DRAXIN: variants seen among roughly 807,000 people sequenced by gnomAD.
DRAXIN encodes the protein dorsal inhibitory axon guidance protein.
In DRAXIN, 27 loss-of-function variants were observed where a neutral mutation model predicts 33.9. That is an observed-to-expected ratio of 0.80 (90% CI 0.59 to 1.10). DRAXIN has a LOEUF of 1.10. Ranked by LOEUF, DRAXIN falls within the 50% of genes least tolerant of loss-of-function variation. The pLI is 0.00. For synonymous variants in DRAXIN, 178 were observed against 194.0 expected, an observed-to-expected ratio of 0.92 and a Z score of 0.69; for missense variants, 371 against 460.8, an observed-to-expected ratio of 0.81 and a Z score of 1.78.
chr1:11,707,074 G>T (rs138194389), intron 2 of DRAXIN, among the ~76,000 whole-genome samples: 3 of 152,140 alleles, frequency 2.0e-5, no homozygotes, highest in Admixed American at 2.0e-4. Context: ...GATGGTGGGC[G>T]CCTGTAGTCC....
At chr1:11,691,694 A>C (rs1424182378), upstream of DRAXIN, 33 of 31,468 alleles carry the variant, frequency 1.0e-3, no homozygotes, top group Admixed American at 1.3e-3. Flanking sequence ...CTGCCCGCCC[A>C]CTCCCCCTTC....
intron 6 of DRAXIN, among the ~76,000 whole-genome samples, chr1:11,719,230 A>C (rs959280409): frequency 6.6e-6 from 1 of 152,158 alleles, no homozygotes; most frequent in Non-Finnish European, 1.5e-5. Flanking sequence ...TTGCTTGACA[A>C]ACCAATAGTG....
chr1:11,711,072 A>G (rs1641488415), intron 3 of DRAXIN, among the ~76,000 whole-genome samples: 1 of 151,998 alleles, frequency 6.6e-6, no homozygotes, highest in Admixed American at 6.6e-5. Flanking sequence ...CGAATAGATC[A>G]CCTGAGGTCA....
chr1:11,711,637 G>T (rs1428424561), intron 3 of DRAXIN, among the ~76,000 whole-genome samples: 2 of 152,196 alleles, frequency 1.3e-5, no homozygotes, highest in Non-Finnish European at 2.9e-5. Context: ...TCCTTCTTGA[G>T]TAATGGCTGC....
At position 11,712,498 on chromosome 1, in the gene DRAXIN, G is replaced by A. The variant is rs574281681; in HGVS notation, c.847+69G>A. 42 of 1,490,184 alleles carry A rather than the reference G, an allele frequency of 2.8e-5. 1 individual carries two copies. The African/African-American group carries it at 3.0e-4, about 11-fold the overall frequency. 92.3% of individuals were successfully genotyped at this position (1,490,184 alleles called of 1,614,324 possible). A position where few individuals can be genotyped will look rare whatever the true frequency, so the allele number is the denominator to read the frequency against. ...GGAGGGAACCTGGGTGGGAGTGGGG[G>A]TTCCCACATGTGCAGGACCTGAGAA... On this transcript the variant is annotated intron_variant, in intron 5 of 6. Transcript: ENST00000294485.
upstream of DRAXIN, among the ~76,000 whole-genome samples, chr1:11,690,250 G>A (rs1173571268): frequency 2.0e-5 from 3 of 152,046 alleles, no homozygotes; most frequent in Non-Finnish European, 4.4e-5. This position sits in a 1 kb window ranked among gnomAD's most constrained non-coding sequence, Gnocchi z 4.2. Context: ...CTCCGGTGCC[G>A]GCACATAGTA....
At position 11,724,341 on chromosome 1, in the gene DRAXIN, C is replaced by A. The variant is rs999377230; in HGVS notation, c.*4645C>A. The A allele has an allele frequency of 6.6e-6, 1 of 152,296 alleles. No homozygotes were observed. The highest frequency in any genetic ancestry group is 1.5e-5 in the Non-Finnish European group (1 of 68,094). 9.4% of individuals were successfully genotyped at this position (152,296 alleles called of 1,614,324 possible). A position where few individuals can be genotyped will look rare whatever the true frequency, so the allele number is the denominator to read the frequency against. ...CCGTGGCCTGAACCCTCCTGCACTC[C>A]TCCAGCTGGAGTCTCACCGCGGATC... is the stretch of plus-strand genomic sequence containing the variant. On this transcript the variant is annotated 3_prime_UTR_variant, in exon 7 of 7. Coordinates refer to ENST00000294485, the MANE Select transcript of DRAXIN (RefSeq NM_198545.4).
chr1:11,702,426 C>T (rs999493290), intron 1 of DRAXIN, among the ~76,000 whole-genome samples: 3 of 151,692 alleles, frequency 2.0e-5, no homozygotes, highest in African/African-American at 7.3e-5. Flanking sequence ...TGTTCACACA[C>T]ACATGCTAAC....
At chr1:11,708,772 C>T (rs1641429594) in intron 2 of DRAXIN, among the ~76,000 whole-genome samples, 1 of 152,212 alleles carries the variant, frequency 6.6e-6, no homozygotes, top group Non-Finnish European at 1.5e-5. Context: ...CAGCACACAG[C>T]AGGTGCTCCA....
chr1:11,720,209 G>T lies in DRAXIN; in HGVS notation c.*513G>T, dbSNP rs1008750141. Reference sequence around the variant, plus strand: ...CGACAGGTTGAGGACCGTGAGGCACGCTGGAGTTATTTGACTCGACTTGCC... The same window carrying T: ...CGACAGGTTGAGGACCGTGAGGCACTCTGGAGTTATTTGACTCGACTTGCC... On this transcript the variant is annotated 3_prime_UTR_variant, in exon 7 of 7. Coordinates refer to ENST00000294485, the MANE Select transcript of DRAXIN (RefSeq NM_198545.4). 3 of 156,854 alleles carry T rather than the reference G, an allele frequency of 1.9e-5. No homozygotes were observed. Among genetic ancestry groups the T allele is most frequent in the African/African-American group, 7.2e-5 (3 of 41,594 alleles). 9.7% of individuals were successfully genotyped at this position (156,854 alleles called of 1,614,324 possible).
chr1:11,715,541 C>G lies in DRAXIN; in HGVS notation c.937+333C>G, dbSNP rs76008265. On this transcript the variant is annotated intron_variant, in intron 6 of 6. Transcript: ENST00000294485. ...GAAGGGAGGAGACAGGAGCACATCT[C>G]TTTAAATTAGATCCAGCCTCAGAAG... Among the ~76,000 whole-genome samples, 6 of 149,062 alleles carry G rather than the reference C, an allele frequency of 4.0e-5. No homozygotes were observed. The East Asian group carries it at 1.2e-3, about 30-fold the overall frequency.
rs751231246 is a variant in DRAXIN at position 11,709,339 on chromosome 1, G to A, written c.516G>A (p.Val172=). ...MKKAELSEAQ[V]LDAAMEESST... ...AGGCAGAGCTCTCCGAAGCCCAGGT[G>A]CTGGATGCAGCCATGGAGGAATCCT... The change falls in exon 3 of 7, where the codon GTG becomes GTA. Residue 172 remains valine (V), a synonymous_variant. Transcript: ENST00000294485. 4.3e-6 allele frequency: 7 copies of A among 1,613,972 alleles called. No individual in the cohort carries two copies. In the Admixed American group the frequency reaches 1.2e-4, roughly 27 times the overall value.
chr1:11,711,608 C>T (rs963452852), intron 3 of DRAXIN, among the ~76,000 whole-genome samples: 1 of 152,196 alleles, frequency 6.6e-6, no homozygotes, highest in Non-Finnish European at 1.5e-5. Flanking sequence ...AGGTAACTCA[C>T]CTGTGTGTGT....
upstream of DRAXIN, among the ~76,000 whole-genome samples, chr1:11,690,996 G>C (rs1343249258): frequency 6.6e-6 from 1 of 152,164 alleles, no homozygotes; most frequent in Non-Finnish European, 1.5e-5. This position sits in a 1 kb window ranked among gnomAD's most constrained non-coding sequence, Gnocchi z 4.2. Context: ...TCCCTACCGG[G>C]AAAGAGGGCA....
chr1:11,703,132 A>G (rs2100734621), intron 1 of DRAXIN, among the ~76,000 whole-genome samples: 1 of 152,366 alleles, frequency 6.6e-6, no homozygotes, highest in Admixed American at 6.5e-5. Flanking sequence ...GAGGGGCCGC[A>G]GAGCAGAAGG....
At position 11,723,687 on chromosome 1, in the gene DRAXIN, G is replaced by A. The variant is rs1351720423; in HGVS notation, c.*3991G>A. On this transcript the variant is annotated 3_prime_UTR_variant, in exon 7 of 7. Transcript: ENST00000294485. The stretch of plus-strand genomic sequence containing the variant: ...GGCTCACTGCGACCTCTGCCTCCTG[G>A]GTACAAGTGATTCTCCCGCCTCAGC... 1 of 151,714 alleles carries A rather than the reference G, an allele frequency of 6.6e-6. No homozygotes were observed. Among genetic ancestry groups the A allele is most frequent in the Non-Finnish European group, 1.5e-5 (1 of 67,950 alleles). The allele number at this position is 151,714 out of a possible 1,614,324, so 9.4% of individuals were successfully genotyped here.
upstream of DRAXIN, among the ~76,000 whole-genome samples, chr1:11,688,187 C>T (rs1640995832): frequency 6.6e-6 from 1 of 152,220 alleles, no homozygotes. This position sits in a 1 kb window ranked among gnomAD's most constrained non-coding sequence, Gnocchi z 4.6. Flanking sequence ...AGGTGACCAT[C>T]ATCTCTTCTC....
intron 5 of DRAXIN, among the ~76,000 whole-genome samples, chr1:11,713,904 G>T (rs1403086904): frequency 6.6e-6 from 1 of 152,072 alleles, no homozygotes; most frequent in African/African-American, 2.4e-5. Context: ...ATGGTGGCAG[G>T]TGCCTGTAAT....
At chr1:11,698,883 C>A (rs72869775) in intron 1 of DRAXIN, among the ~76,000 whole-genome samples, 31,902 of 152,080 alleles carry the variant, frequency 0.21, 3,467 homozygotes, top group East Asian at 0.36. Flanking sequence ...ATCGTAAAAT[C>A]TTCCTGGAAC....
Sources: gnomAD v4.1 joint callset for allele counts (sites outside exome capture counted in the v4.1 genomes callset) on GRCh38, gnomAD v4.1.1 for gene constraint, Gnocchi (gnomAD v3.1) non-coding constraint, MANE v1.5 for transcripts, NCBI Gene and HGNC (gene_info 2026-07-23, HGNC 2026-07-21) for gene names.